Variants in DTX4 observed in about 807,000 individuals in gnomAD.
DTX4 encodes the protein E3 ubiquitin-protein ligase DTX4.
Under a neutral mutation model 57.6 loss-of-function variants are expected in DTX4, and 28 were observed. That is an observed-to-expected ratio of 0.49 (90% CI 0.36 to 0.67). DTX4 has a LOEUF of 0.67. Among genes scored for constraint, DTX4 ranks in the 30% least tolerant of loss-of-function variants. The pLI, the probability that DTX4 is intolerant of heterozygous loss-of-function variation, is 0.00. For missense variants in DTX4, 715 were observed against 836.8 expected (o/e 0.85, Z 1.80); for synonymous variants, 316 against 331.0 (o/e 0.95, Z 0.49).
At chr11:59,177,942 C>T (rs2135512042) in intron 1 of DTX4, among the ~76,000 whole-genome samples, 1 of 152,326 alleles carries the variant, frequency 6.6e-6, no homozygotes, top group Middle Eastern at 3.4e-3. Flanking sequence ...GATGCCCACT[C>T]TCATGGTACT....
In DTX4 at chr11:59,181,776, C is replaced by G; in HGVS notation, c.249C>G (p.Pro83=). 2 of 1,613,166 alleles carry G rather than the reference C, an allele frequency of 1.2e-6. No individual in the cohort carries two copies. Among genetic ancestry groups the G allele is most frequent in the Non-Finnish European group, 1.7e-6 (2 of 1,179,372 alleles). ...LRPVRRNYYD[P]SSAPGKGVVW... ...CAGTTCGCCGCAACTACTACGACCCCTCCTCGGCCCCTGGGAAGGGCGTGG... is the reference window on the plus strand; with the variant it reads ...CAGTTCGCCGCAACTACTACGACCCGTCCTCGGCCCCTGGGAAGGGCGTGG... The change falls in exon 2 of 9, where the codon CCC becomes CCG. Residue 83 remains proline, a synonymous_variant. Transcript: ENST00000227451.
In DTX4 at chr11:59,188,822, G is replaced by A. The variant is rs141586129; in HGVS notation, c.997+26G>A. ...GTAAGAGAAACCCCAGGATGCTCTG[G>A]GTTAAGGTAGAGAAATCAGAGTGAT... On this transcript the variant is annotated intron_variant, in intron 3 of 8. Transcript: ENST00000227451. 4 of 1,596,254 alleles carry A rather than the reference G, an allele frequency of 2.5e-6. No individual in the cohort carries two copies. The African/African-American group carries it at 4.0e-5, about 16-fold the overall frequency.
rs1862785342 is a variant in DTX4, at chr11:59,204,884, A to G, written c.1835A>G (p.Asp612Gly). The G allele has an allele frequency of 3.8e-6, 6 of 1,590,498 alleles. No homozygotes were observed. Among genetic ancestry groups the G allele is most frequent in the Non-Finnish European group, 5.1e-6 (6 of 1,167,864 alleles). Residue 612 changes from aspartate to glycine, a missense_variant, in exon 9 of 9, where the codon GAC becomes GGC. Transcript: ENST00000227451. ...CTGGCTGCCCAGGGCATCTCTGAGGACAGCACTGCCCAGGAGAAGGACTGA... is the reference window on the plus strand; with the variant it reads ...CTGGCTGCCCAGGGCATCTCTGAGGGCAGCACTGCCCAGGAGAAGGACTGA... ...AELAAQGISE[D>G]STAQEKD
At chr11:59,181,659 A>G in intron 1 of DTX4, 80 bp from the exon 2 acceptor site, 1 of 1,517,664 alleles carries the variant, frequency 6.6e-7, no homozygotes, top group African/African-American at 1.4e-5. Flanking sequence ...CCATTATGGC[A>G]ATGGCATGAC....
intron 4 of DTX4, 104 bp downstream of exon 4, chr11:59,189,427 T>TGCCTCAATTTCTGC (rs1221816780): frequency 1.5e-4 from 178 of 1,188,246 alleles, no homozygotes; most frequent in Non-Finnish European, 2.0e-4. Context: ...TCACCCTCTG[T>TGCCTCAATTTCTGC]GCCTCAATTT....
intron 2 of DTX4, among the ~76,000 whole-genome samples, chr11:59,184,999 G>C (rs1053305623): frequency 3.9e-5 from 6 of 152,134 alleles, no homozygotes; most frequent in Admixed American, 3.9e-4. Context: ...CTCTGCCCAT[G>C]ACCTCTTCCA....
intron 6 of DTX4, 78 bp from the exon 7 acceptor site, chr11:59,195,130 G>T (rs1423234983): frequency 6.7e-7 from 1 of 1,499,042 alleles, no homozygotes; most frequent in African/African-American, 1.4e-5. Context: ...CTTCATCTCT[G>T]GTACCTTTTG....
At chr11:59,177,332 G>A (rs544197267) in intron 1 of DTX4, among the ~76,000 whole-genome samples, 4 of 152,258 alleles carry the variant, frequency 2.6e-5, no homozygotes, top group Admixed American at 6.5e-5. Context: ...TGACGGAGGC[G>A]ATCCTCAAAC....
At chr11:59,175,792 C>T (rs6591508) in intron 1 of DTX4, among the ~76,000 whole-genome samples, 1 of 151,900 alleles carries the variant, frequency 6.6e-6, no homozygotes, top group African/African-American at 2.4e-5. Flanking sequence ...TAGCAGGATG[C>T]GGAAGATCCA....
intron 7 of DTX4, among the ~76,000 whole-genome samples, chr11:59,196,388 A>G (rs1396888793): frequency 9.9e-5 from 15 of 152,268 alleles, no homozygotes; most frequent in Admixed American, 9.8e-4. Context: ...AAAGAAGTGA[A>G]TAATTCATAG....
At chr11:59,204,057 A>T (rs998514758) in intron 8 of DTX4, among the ~76,000 whole-genome samples, 4 of 150,338 alleles carry the variant, frequency 2.7e-5, no homozygotes, top group East Asian at 1.9e-4. Context: ...CTCAACAAAC[A>T]TTTTTTTTTT....
At position 59,177,191 on chromosome 11, in the gene DTX4, C is replaced by A. The variant is rs373870639; in HGVS notation, c.211+4385C>A. ...GCACATAGACCCTGTAGCCCAACAG[C>A]TGAAATTTGAGTGTACCCATGCACC... On this transcript the variant is annotated intron_variant, in intron 1 of 8. Transcript: ENST00000227451. Among the ~76,000 whole-genome samples the A allele has an allele frequency of 1.2e-3, 178 of 152,258 alleles. 1 individual carries two copies. In the South Asian group the frequency reaches 0.03, roughly 26 times the overall value.
At position 59,191,271 on chromosome 11, in the gene DTX4, C is replaced by T. The variant is rs1433881581; in HGVS notation, c.1221+96C>T. 4.7e-6 allele frequency: 6 copies of T among 1,263,780 alleles called. No homozygotes were observed. The African/African-American group carries it at 9.0e-5, about 19-fold the overall frequency. 78.3% of individuals were successfully genotyped at this position (1,263,780 alleles called of 1,614,324 possible). ...TTTCTACAGGATATGGCGGGGGCTGCATTCCAAGTTCTCATGGATACAGAA... is the reference window on the plus strand; with the variant it reads ...TTTCTACAGGATATGGCGGGGGCTGTATTCCAAGTTCTCATGGATACAGAA... On this transcript the variant is annotated intron_variant, in intron 5 of 8. Transcript: ENST00000227451.
intron 6 of DTX4, 62 bp from the exon 7 acceptor site, chr11:59,195,146 G>T (rs1862646061): frequency 6.4e-7 from 1 of 1,573,230 alleles, no homozygotes. Context: ...TTTTGGGACT[G>T]GGTGGGAAAG....
chr11:59,206,226 G>C lies in DTX4; in HGVS notation c.*1317G>C, dbSNP rs1342694551. ...ATCTATTATAGATTGACTTACAGCA[G>C]GGAGAGAATCTCTTTAGCTCATTCC... On this transcript the variant is annotated 3_prime_UTR_variant, in exon 9 of 9. Transcript: ENST00000227451. 1 of 152,420 alleles carries C rather than the reference G, an allele frequency of 6.6e-6. No individual in the cohort carries two copies. Among genetic ancestry groups the C allele is most frequent in the African/African-American group, 2.4e-5 (1 of 41,432 alleles). 9.4% of individuals were successfully genotyped at this position (152,420 alleles called of 1,614,324 possible). A position where few individuals can be genotyped will look rare whatever the true frequency, so the allele number is the denominator to read the frequency against.
intron 8 of DTX4, among the ~76,000 whole-genome samples, chr11:59,201,711 C>A (rs1371710715): frequency 6.6e-6 from 1 of 152,210 alleles, no homozygotes; most frequent in Non-Finnish European, 1.5e-5. Flanking sequence ...GGGGTCAGGA[C>A]CATCCCTGAT....
At chr11:59,177,042 C>G (rs75897976) in intron 1 of DTX4, among the ~76,000 whole-genome samples, 1 of 152,186 alleles carries the variant, frequency 6.6e-6, no homozygotes, top group Non-Finnish European at 1.5e-5. Flanking sequence ...ACTTTCCCTC[C>G]AAAACCAGCT....
chr11:59,176,669 C>G (rs1018058438), intron 1 of DTX4, among the ~76,000 whole-genome samples: 1 of 152,230 alleles, frequency 6.6e-6, no homozygotes, highest in Non-Finnish European at 1.5e-5. Flanking sequence ...TAACATGCCC[C>G]AGAGACCTCA....
chr11:59,199,610 A>T, intron 7 of DTX4, 74 bp from the exon 8 acceptor site: 1 of 1,108,742 alleles, frequency 9.0e-7, no homozygotes, highest in South Asian at 1.4e-5. Context: ...TATTGAAATT[A>T]GTCACAGCCT....
Sources: allele counts gnomAD v4.1 joint callset (sites outside exome capture counted in the v4.1 genomes callset), GRCh38; gene constraint gnomAD v4.1.1; transcripts MANE v1.5; gene names NCBI Gene and HGNC (gene_info 2026-07-23, HGNC 2026-07-21).